The following IL12RB1 variants were observed in gnomAD, a reference collection of about 807,000 sequenced individuals.
The protein encoded by IL12RB1 is interleukin 12 receptor subunit beta 1.
IL12RB1 carries 64 observed loss-of-function variants against 94.4 expected under a neutral mutation model. The observed-to-expected ratio is 0.68, with a 90% CI of 0.55 to 0.83. IL12RB1 has a LOEUF of 0.83. Among genes scored for constraint, IL12RB1 ranks in the 40% least tolerant of loss-of-function variants. The pLI, the probability that IL12RB1 is intolerant of heterozygous loss-of-function variation, is 0.00. For synonymous variants in IL12RB1, 362 were observed against 355.5 expected, an observed-to-expected ratio of 1.02 and a Z score of -0.21; for missense variants, 814 against 855.6, an observed-to-expected ratio of 0.95 and a Z score of 0.61.
chr19:18,082,773 A>G (rs988705610), intron 2 of IL12RB1, among the ~76,000 whole-genome samples: 1 of 152,096 alleles, frequency 6.6e-6, no homozygotes, highest in Admixed American at 6.6e-5. Flanking sequence ...GTGCATTAGG[A>G]GCATAAATGT....
At chr19:18,076,363 TTTGGTGCTGAAAAATA>T (rs764311676) in intron 5 of IL12RB1, 36 bp from the exon 6 acceptor site, 2 of 1,126,658 alleles carry the variant, frequency 1.8e-6, no homozygotes, top group Non-Finnish European at 2.7e-6. Flanking sequence ...TGTTTTGCAT[TTTGGTGCTGAAAAATA>T]TTTGCTGTTT....
At chr19:18,069,074 A>G (rs796173065) in intron 10 of IL12RB1, among the ~76,000 whole-genome samples, 32 of 152,194 alleles carry the variant, frequency 2.1e-4, no homozygotes, top group African/African-American at 7.0e-4. Flanking sequence ...TTCCGTGTCC[A>G]GTTCTGTCTC....
At chr19:18,060,654 C>T (rs1312419608) in intron 15 of IL12RB1, among the ~76,000 whole-genome samples, 6 of 152,078 alleles carry the variant, frequency 3.9e-5, no homozygotes, top group Non-Finnish European at 5.9e-5. Context: ...CCTGGCCAGC[C>T]CACCCATCAG....
intron 8 of IL12RB1, among the ~76,000 whole-genome samples, 188 bp from the exon 9 acceptor site, chr19:18,072,537 G>A (rs765703349): frequency 9.2e-5 from 14 of 152,206 alleles, no homozygotes; most frequent in South Asian, 4.1e-4. Context: ...TTCACCTCCC[G>A]CACACATCTA....
chr19:18,080,077 A>G lies in IL12RB1; in HGVS notation c.409+755T>C, dbSNP rs138341587. ...TTTCTTTTTTTTCTTTTTTTTTGAG[A>G]CAGTGTCTTGCTCTGTCACTCAGGC... On this transcript the variant is annotated intron_variant, in intron 4 of 16. Coordinates refer to ENST00000593993, the MANE Select transcript of IL12RB1 (RefSeq NM_005535.3). Among the ~76,000 whole-genome samples, 195 of 147,438 alleles carry G rather than the reference A, an allele frequency of 1.3e-3. 1 individual carries two copies. Among genetic ancestry groups the G allele is most frequent in the African/African-American group, 4.6e-3 (185 of 39,944 alleles).
chr19:18,059,911 C>G lies in IL12RB1; in HGVS notation c.1966G>C (p.Asp656His). The G allele has an allele frequency of 6.3e-7, 1 of 1,583,510 alleles. No individual in the cohort carries two copies. The highest frequency in any genetic ancestry group is 8.6e-7 in the Non-Finnish European group (1 of 1,164,206). Residue 656 changes from aspartate (D) to histidine (H), a missense_variant, in exon 16 of 17, where the codon GAC (aspartate) becomes CAC (histidine). Transcript: ENST00000593993. The part of the protein sequence containing the change: ...LDTELSLEDG[D>H]RCKAKM ...CCCAGGACCTTGGCCTTGCACCTGT[C>G]TCCATCCTCCAAGGACAACTCTGTA...
intron 9 of IL12RB1, among the ~76,000 whole-genome samples, chr19:18,070,344 G>A (rs990385980): frequency 1.3e-5 from 2 of 152,212 alleles, no homozygotes; most frequent in African/African-American, 4.8e-5. Context: ...AGGCGTCTCC[G>A]GCTGTGGCAG....
chr19:18,070,619 G>A (rs2034957579), intron 9 of IL12RB1: 24 of 707,098 alleles, frequency 3.4e-5, no homozygotes, highest in Non-Finnish European at 4.2e-5. Flanking sequence ...CCAATGCTGA[G>A]AGCTTTACAG....
intron 1 of IL12RB1, among the ~76,000 whole-genome samples, chr19:18,085,488 G>A (rs895809719): frequency 2.0e-5 from 3 of 151,952 alleles, no homozygotes; most frequent in Non-Finnish European, 2.9e-5. Context: ...CCCTGAAGGC[G>A]CTGGGACCTT....
rs760657739 is a variant in IL12RB1 at position 18,063,943 on chromosome 19, C to T, written c.1551G>A (p.Thr517=). 32 of 1,612,990 alleles carry T rather than the reference C, an allele frequency of 2.0e-5. No homozygotes were observed. Among genetic ancestry groups the T allele is most frequent in the South Asian group, 8.8e-5 (8 of 91,036 alleles). ...LSGLRAGVAY[T]VQVRADTAWL... ...ACGCTGTGTCTGCTCGCACCTGCAC[C>T]GTGTAGGCTACACCAGCCCGCAGGC... The change falls in exon 13 of 17, where the codon ACG becomes ACA. Residue 517 remains threonine, a synonymous_variant. Transcript: ENST00000593993.
At chr19:18,084,560 T>C (rs1041104843) in intron 1 of IL12RB1, among the ~76,000 whole-genome samples, 5 of 151,496 alleles carry the variant, frequency 3.3e-5, no homozygotes, top group Non-Finnish European at 5.9e-5. Flanking sequence ...CATCCATCTA[T>C]CCATCTAGTC....
At chr19:18,090,078 G>A (rs1385512851), upstream of IL12RB1, among the ~76,000 whole-genome samples, 3 of 152,218 alleles carry the variant, frequency 2.0e-5, no homozygotes, top group African/African-American at 7.2e-5. Context: ...AAAGATGGAG[G>A]AGGCCAGGCA....
At chr19:18,093,114 G>C (rs2036710754) in intron 1 of IL12RB1, among the ~76,000 whole-genome samples, 1 of 151,762 alleles carries the variant, frequency 6.6e-6, no homozygotes, top group African/African-American at 2.4e-5. Flanking sequence ...AGACCAGCCT[G>C]GCAAACATGG....
At position 18,077,659 on chromosome 19, in the gene IL12RB1, G is replaced by C; in HGVS notation, c.410-4C>G. 6.3e-7 allele frequency: 1 copy of C among 1,582,558 alleles called. No homozygotes were observed. The highest frequency in any genetic ancestry group is 8.7e-7 in the Non-Finnish European group (1 of 1,151,254). ...CCCAGAGGAGGCTCATATTTAACTG[G>C]AAGCAGAGGTAGGGATTGGCGAGGG... On this transcript the variant is annotated splice_region_variant and splice_polypyrimidine_tract_variant and intron_variant, in intron 4 of 16. Coordinates refer to ENST00000593993, the MANE Select transcript of IL12RB1 (RefSeq NM_005535.3).
At chr19:18,073,109 C>T (rs562253339) in intron 8 of IL12RB1, among the ~76,000 whole-genome samples, 2 of 152,204 alleles carry the variant, frequency 1.3e-5, no homozygotes, top group African/African-American at 4.8e-5. Flanking sequence ...AGTTTTGTCT[C>T]AACAGAGATA....
Position 18,060,049 on chromosome 19 carries a change from C to G in IL12RB1, c.1828G>C (p.Glu610Gln). ...ACCAGGGCCTCCTGCAGGGATGCCT[C>G]TTCCTGGAAGTCCACTGGGTTGATC... ...QWINPVDFQEEASLQEALVVE... is the reference protein window; with the variant it reads ...QWINPVDFQEQASLQEALVVE... The change falls in exon 16 of 17, where the codon GAG (glutamate) becomes CAG (glutamine). Residue 610 changes from glutamate (E) to glutamine (Q), a missense_variant. By Grantham distance (29) the Glu-to-Gln change is conservative. Coordinates refer to ENST00000593993, the MANE Select transcript of IL12RB1 (RefSeq NM_005535.3). 6.2e-7 allele frequency: 1 copy of G among 1,607,168 alleles called. No homozygotes were observed. The highest frequency in any genetic ancestry group is 8.5e-7 in the Non-Finnish European group (1 of 1,174,866).
At chr19:18,074,420 C>T (rs986133444) in intron 7 of IL12RB1, among the ~76,000 whole-genome samples, 7 of 152,242 alleles carry the variant, frequency 4.6e-5, no homozygotes, top group Non-Finnish European at 7.4e-5. Context: ...CTTGAGACAC[C>T]GTGAGGTTCA....
At chr19:18,072,054 G>C in intron 9 of IL12RB1, 58 bp downstream of exon 9, 1 of 1,159,380 alleles carries the variant, frequency 8.6e-7, no homozygotes, top group Non-Finnish European at 1.3e-6. Flanking sequence ...CTGAGGCTCA[G>C]AGTAGGTGCT....
Position 18,082,128 on chromosome 19 carries a change from G to A in IL12RB1, c.239+22C>T, listed in dbSNP as rs17887070. 6.8e-3 allele frequency: 9,780 copies of A among 1,443,000 alleles called. 510 individuals carry two copies. In the African/African-American group the frequency reaches 0.11, roughly 17 times the overall value. The allele number at this position is 1,443,000 out of a possible 1,614,324, so 89.4% of individuals were successfully genotyped here. A position where few individuals can be genotyped will look rare whatever the true frequency, so the allele number is the denominator to read the frequency against. On this transcript the variant is annotated intron_variant, in intron 3 of 16. Coordinates refer to ENST00000593993, the MANE Select transcript of IL12RB1 (RefSeq NM_005535.3). ...GAGTGGGATGGTGGGTGAGGGTTTG[G>A]GAATGGTAGAGGGGTCCTCACCAAC...
Sources: allele counts gnomAD v4.1 joint callset (sites outside exome capture counted in the v4.1 genomes callset), GRCh38; gene constraint gnomAD v4.1.1; transcripts MANE v1.5; gene names NCBI Gene and HGNC (gene_info 2026-07-23, HGNC 2026-07-21).